The following BMAL1 variants were observed in gnomAD, a reference collection of about 807,000 sequenced individuals.
BMAL1 encodes the protein basic helix-loop-helix ARNT-like protein 1.
the BMAL1 span, among the ~76,000 whole-genome samples, chr11:13,317,402 C>T: frequency 6.6e-6 from 1 of 152,086 alleles, no homozygotes; most frequent in Non-Finnish European, 1.5e-5. Flanking sequence ...TCACATTGGC[C>T]TTTATTGGAA....
the BMAL1 span, among the ~76,000 whole-genome samples, chr11:13,301,036 C>T: frequency 1.3e-5 from 2 of 152,298 alleles, no homozygotes; most frequent in East Asian, 3.9e-4. Flanking sequence ...CTACCTGATT[C>T]AAGCGATTCT....
the BMAL1 span, chr11:13,366,858 G>A: frequency 8.3e-7 from 1 of 1,207,176 alleles, no homozygotes; most frequent in Non-Finnish European, 1.2e-6. Context: ...CAGAGGGCGG[G>A]TGTGTGTGAT....
the BMAL1 span, among the ~76,000 whole-genome samples, chr11:13,320,341 G>A: frequency 6.6e-6 from 1 of 152,192 alleles, no homozygotes; most frequent in South Asian, 2.1e-4. Context: ...TTATGAGTCT[G>A]AGTAGACTTG....
the BMAL1 span, chr11:13,378,603 A>G: frequency 2.1e-6 from 2 of 946,046 alleles, no homozygotes; most frequent in Non-Finnish European, 3.2e-6. Flanking sequence ...GAGACCAGGG[A>G]TGCTGCTTGT....
At chr11:13,372,066 T>A in the BMAL1 span, 1 of 1,503,066 alleles carries the variant, frequency 6.7e-7, no homozygotes, top group Non-Finnish European at 8.9e-7. Flanking sequence ...TTTTTTTATT[T>A]TTTGACTCCC....
the BMAL1 span, chr11:13,353,302 TC>T: frequency 1.3e-5 from 2 of 157,138 alleles, no homozygotes. Context: ...GTCCCATTCC[TC>T]CCTCACCACT....
At chr11:13,288,189 G>T in the BMAL1 span, among the ~76,000 whole-genome samples, 1 of 152,124 alleles carries the variant, frequency 6.6e-6, no homozygotes. Flanking sequence ...CTTAAATAAT[G>T]GTGGGAATTT....
At chr11:13,356,936 G>A in the BMAL1 span, 1 of 1,586,596 alleles carries the variant, frequency 6.3e-7, no homozygotes, top group Non-Finnish European at 8.6e-7. Context: ...CCAACCCCCA[G>A]TCCCCTTGTG....
the BMAL1 span, among the ~76,000 whole-genome samples, chr11:13,305,222 G>A: frequency 6.6e-6 from 1 of 152,104 alleles, no homozygotes; most frequent in Non-Finnish European, 1.5e-5. Context: ...TAGATGCTGG[G>A]CCCCCGCTAG....
At chr11:13,385,720 C>G in the BMAL1 span, 1 of 1,613,566 alleles carries the variant, frequency 6.2e-7, no homozygotes, top group Non-Finnish European at 8.5e-7. Context: ...GACATTCCTT[C>G]CAGTGGCCTA....
the BMAL1 span, among the ~76,000 whole-genome samples, chr11:13,365,887 A>T: frequency 2.6e-5 from 4 of 152,228 alleles, no homozygotes; most frequent in Non-Finnish European, 5.9e-5. Flanking sequence ...GCTATCTGAC[A>T]AGGGAGAAAG....
At chr11:13,372,020 A>AT in the BMAL1 span, 2 of 1,170,342 alleles carry the variant, frequency 1.7e-6, no homozygotes, top group Non-Finnish European at 2.4e-6. Context: ...TGCCCCTTTC[A>AT]TTAGATGCTT....
At chr11:13,355,351 A>T in the BMAL1 span, 1 of 1,555,328 alleles carries the variant, frequency 6.4e-7, no homozygotes, top group Non-Finnish European at 8.9e-7. Context: ...GAGAGTGGGT[A>T]TGAGGGCTGT....
At chr11:13,295,547 C>G in the BMAL1 span, among the ~76,000 whole-genome samples, 140,542 of 151,998 alleles carry the variant, frequency 0.92, 65,430 homozygotes, top group East Asian at 1. Flanking sequence ...AGACCCCTTG[C>G]GAGGGCCGAG....
the BMAL1 span, among the ~76,000 whole-genome samples, chr11:13,306,062 A>G: frequency 3.9e-5 from 6 of 152,160 alleles, no homozygotes; most frequent in African/African-American, 1.2e-4. Context: ...GTCATCTAGC[A>G]TAGAATGCCC....
chr11:13,337,132 C>G, the BMAL1 span, among the ~76,000 whole-genome samples: 1 of 152,190 alleles, frequency 6.6e-6, no homozygotes, highest in African/African-American at 2.4e-5. Flanking sequence ...TGTTTCCTTT[C>G]AGTCCTTTCT....
At chr11:13,354,220 C>G in the BMAL1 span, 2 of 1,418,634 alleles carry the variant, frequency 1.4e-6, no homozygotes, top group African/African-American at 1.5e-5. Context: ...ACCAAACCCC[C>G]AAGCACCAAC....
the BMAL1 span, among the ~76,000 whole-genome samples, chr11:13,348,048 T>C: frequency 0.99 from 150,870 of 152,226 alleles, 74,779 homozygotes; most frequent in Middle Eastern, 1. Flanking sequence ...CAGAGAATGG[T>C]CACAGGGCGT....
At chr11:13,286,178 A>G in the BMAL1 span, among the ~76,000 whole-genome samples, 2 of 152,244 alleles carry the variant, frequency 1.3e-5, no homozygotes, top group Non-Finnish European at 2.9e-5. Context: ...AGCAGTCGTC[A>G]AGCCTTCTGC....
Sources: allele counts gnomAD v4.1 joint callset (sites outside exome capture counted in the v4.1 genomes callset), GRCh38; gene constraint gnomAD v4.1.1; transcripts MANE v1.5; gene names NCBI Gene and HGNC (gene_info 2026-07-23, HGNC 2026-07-21).